MAGI2: variants seen among roughly 807,000 people sequenced by gnomAD.
MAGI2 encodes the protein membrane associated guanylate kinase, WW and PDZ domain containing 2, also known as membrane-associated guanylate kinase, WW and PDZ domain-containing protein 2.
A neutral mutation model predicts 133.3 loss-of-function variants in MAGI2; 35 were observed. That is an observed-to-expected ratio of 0.26 (90% confidence interval 0.20 to 0.35). The LOEUF (loss-of-function observed/expected upper bound fraction) is 0.35, where lower values mean the gene tolerates loss of function less well. MAGI2 is among the 10% of genes least tolerant of loss of function. MAGI2 has a pLI of 1.00. For synonymous variants in MAGI2, 729 were observed against 710.6 expected, an observed-to-expected ratio of 1.03 and a Z score of -0.41; for missense variants, 1,636 against 1,863.4, an observed-to-expected ratio of 0.88 and a Z score of 2.25.
rs77135268 is a variant in MAGI2, at chr7:79,175,941, C to T, written c.302-168735G>A. Among the ~76,000 whole-genome samples the T allele has an allele frequency of 2.3e-3, 350 of 151,986 alleles. 6 individuals are homozygous for T. Among genetic ancestry groups the T allele is most frequent in the African/African-American group, 7.8e-3 (323 of 41,364 alleles). Reference sequence around the variant, plus strand: ...AGTGATTTATTTTTCTTAATACAAACCTTGCATGGGGCATTAACCTCAGTA... The same window carrying T: ...AGTGATTTATTTTTCTTAATACAAATCTTGCATGGGGCATTAACCTCAGTA... On this transcript the variant is annotated intron_variant, in intron 1 of 21. Coordinates refer to ENST00000354212, the MANE Select transcript of MAGI2 (RefSeq NM_012301.4).
intron 7 of MAGI2, among the ~76,000 whole-genome samples, chr7:78,348,159 A>G (rs546995297): frequency 8.2e-4 from 125 of 152,268 alleles, no homozygotes; most frequent in African/African-American, 2.6e-3. Flanking sequence ...GTGACCCTCT[A>G]TCAGACCTCT....
intron 6 of MAGI2, among the ~76,000 whole-genome samples, chr7:78,483,441 A>G (rs766807852): frequency 2.0e-5 from 3 of 151,866 alleles, no homozygotes; most frequent in Non-Finnish European, 4.4e-5. Context: ...GTAGAAGGGT[A>G]AAATACATAA....
intron 2 of MAGI2, among the ~76,000 whole-genome samples, chr7:78,985,264 C>G (rs1192041680): frequency 6.6e-6 from 1 of 152,052 alleles, no homozygotes; most frequent in Non-Finnish European, 1.5e-5. Flanking sequence ...TGAAATCACA[C>G]TATACTCATG....
At chr7:78,875,260 G>A (rs1440521965) in intron 2 of MAGI2, among the ~76,000 whole-genome samples, 4 of 152,038 alleles carry the variant, frequency 2.6e-5, no homozygotes, top group South Asian at 2.1e-4. Context: ...TTATTGATTG[G>A]GTGCATTCCA....
At chr7:79,231,660 C>T (rs1483725718) in intron 1 of MAGI2, among the ~76,000 whole-genome samples, 1 of 129,174 alleles carries the variant, frequency 7.7e-6, no homozygotes, top group Non-Finnish European at 1.7e-5. Flanking sequence ...TGAGACTTTG[C>T]TGAAGTTGCT....
Position 78,147,084 on chromosome 7 carries a change from A to G in MAGI2, c.2846-11878T>C, listed in dbSNP as rs74878399. The stretch of plus-strand genomic sequence containing the variant: ...AATATATTATCCAGAAGATTACATG[A>G]ATATTTATTGGCCCTCCAGTTACAC... On this transcript the variant is annotated intron_variant, in intron 16 of 21. Coordinates refer to ENST00000354212, the MANE Select transcript of MAGI2 (RefSeq NM_012301.4). 5.4e-3 allele frequency among the ~76,000 whole-genome samples: 817 copies of G among 152,306 alleles called. 3 individuals carry two copies. The highest frequency in any genetic ancestry group is 0.019 in the African/African-American group (780 of 41,570).
intron 6 of MAGI2, among the ~76,000 whole-genome samples, chr7:78,455,615 A>G (rs1414065535): frequency 6.6e-6 from 1 of 152,180 alleles, no homozygotes; most frequent in Non-Finnish European, 1.5e-5. Context: ...TATATTATGC[A>G]GAGCACATTA....
chr7:78,845,254 A>G (rs1022259544), intron 2 of MAGI2, among the ~76,000 whole-genome samples: 5 of 151,908 alleles, frequency 3.3e-5, no homozygotes, highest in Non-Finnish European at 5.9e-5. Flanking sequence ...ATAGTGCAAT[A>G]TTTCCATTTT....
At chr7:78,101,319 A>C (rs535384338) in intron 20 of MAGI2, among the ~76,000 whole-genome samples, 53 of 152,348 alleles carry the variant, frequency 3.5e-4, no homozygotes, top group Middle Eastern at 3.4e-3. Context: ...GGTTATAGTA[A>C]CTAAAACAAT....
At chr7:78,765,687 C>T (rs996999145) in intron 2 of MAGI2, among the ~76,000 whole-genome samples, 10 of 151,972 alleles carry the variant, frequency 6.6e-5, no homozygotes, top group African/African-American at 2.4e-4. Flanking sequence ...GATTTGAAGT[C>T]CTACAGATAG....
At position 79,209,737 on chromosome 7, in the gene MAGI2, T is replaced by A. The variant is rs532962170; in HGVS notation, c.302-202531A>T. On this transcript the variant is annotated intron_variant, in intron 1 of 21. Transcript: ENST00000354212. Reference sequence around the variant, plus strand: ...GAACACAACTCCACATAATTCATATTTCTAAGAAAGTACATTGTGCATATT... The same window carrying A: ...GAACACAACTCCACATAATTCATATATCTAAGAAAGTACATTGTGCATATT... Among the ~76,000 whole-genome samples the A allele has an allele frequency of 1.4e-3, 215 of 152,180 alleles. 2 individuals carry two copies. The highest frequency in any genetic ancestry group is 2.2e-3 in the Non-Finnish European group (153 of 68,032).
At chr7:79,061,871 T>C (rs576246664) in intron 1 of MAGI2, among the ~76,000 whole-genome samples, 3 of 152,234 alleles carry the variant, frequency 2.0e-5, no homozygotes, top group African/African-American at 7.2e-5. Context: ...GCAGTTCAAA[T>C]ACCTGCTCCA....
At chr7:79,448,464 C>CTA (rs1418302897) in intron 1 of MAGI2, among the ~76,000 whole-genome samples, 1 of 152,036 alleles carries the variant, frequency 6.6e-6, no homozygotes, top group Middle Eastern at 3.2e-3. Context: ...TTACTAAAAT[C>CTA]TACATAATGC....
chr7:79,447,288 TATAAG>T (rs779186718), intron 1 of MAGI2, among the ~76,000 whole-genome samples: 2 of 152,156 alleles, frequency 1.3e-5, no homozygotes, highest in Non-Finnish European at 2.9e-5. Flanking sequence ...AAGTTTTCTA[TATAAG>T]ATAATTTACT....
At chr7:79,299,132 T>A (rs1043929078) in intron 1 of MAGI2, among the ~76,000 whole-genome samples, 1 of 152,112 alleles carries the variant, frequency 6.6e-6, no homozygotes, top group East Asian at 1.9e-4. Context: ...GGTTTTATAA[T>A]AGATGCATGC....
chr7:78,891,348 A>C (rs571833748), intron 2 of MAGI2, among the ~76,000 whole-genome samples: 1 of 152,358 alleles, frequency 6.6e-6, no homozygotes, highest in South Asian at 2.1e-4. Flanking sequence ...AATCAATAGA[A>C]AAAGAGAGAA....
intron 6 of MAGI2, among the ~76,000 whole-genome samples, chr7:78,414,700 A>G (rs1281851202): frequency 2.0e-5 from 3 of 152,064 alleles, no homozygotes; most frequent in Non-Finnish European, 4.4e-5. Context: ...AGAGGTAGAA[A>G]TATACTCTAT....
intron 1 of MAGI2, among the ~76,000 whole-genome samples, chr7:79,023,951 C>T (rs182725815): frequency 7.2e-4 from 110 of 152,152 alleles, no homozygotes; most frequent in African/African-American, 2.6e-3. Flanking sequence ...TATCAAATTA[C>T]CAAAGACATT....
At chr7:78,781,234 C>G (rs1489975686) in intron 2 of MAGI2, among the ~76,000 whole-genome samples, 2 of 151,986 alleles carry the variant, frequency 1.3e-5, no homozygotes, top group Non-Finnish European at 2.9e-5. Flanking sequence ...AAAAAATTAG[C>G]CGGACATGGT....
Sources: allele counts gnomAD v4.1 joint callset (sites outside exome capture counted in the v4.1 genomes callset), GRCh38; gene constraint gnomAD v4.1.1; transcripts MANE v1.5; gene names NCBI Gene and HGNC (gene_info 2026-07-23, HGNC 2026-07-21).